The following SLCO3A1 variants were observed in gnomAD, a reference collection of about 807,000 sequenced individuals.
The protein encoded by SLCO3A1 is PGE1 transporter.
SLCO3A1 carries 27 observed loss-of-function variants against 63.1 expected under a neutral mutation model. That is an observed-to-expected ratio of 0.43 (90% CI 0.32 to 0.59). The LOEUF (loss-of-function observed/expected upper bound fraction) is 0.59. Among genes scored for constraint, SLCO3A1 ranks in the 20% least tolerant of loss-of-function variants. The pLI is 0.09. For synonymous variants in SLCO3A1, 473 were observed against 409.9 expected, an observed-to-expected ratio of 1.15 and a Z score of -1.86; for missense variants, 773 against 945.8, an observed-to-expected ratio of 0.82 and a Z score of 2.40.
intron 2 of SLCO3A1, among the ~76,000 whole-genome samples, chr15:91,970,648 C>G (rs1900825267): frequency 6.6e-6 from 1 of 152,174 alleles, no homozygotes. Flanking sequence ...ACCCATTTCT[C>G]CCATTACTCC....
chr15:92,108,199 C>A (rs2151549531), intron 4 of SLCO3A1, among the ~76,000 whole-genome samples: 1 of 152,338 alleles, frequency 6.6e-6, no homozygotes, highest in East Asian at 1.9e-4. Flanking sequence ...TCTTACCATG[C>A]AGGAAGCAGA....
chr15:92,079,020 G>A (rs992287690), intron 2 of SLCO3A1, among the ~76,000 whole-genome samples: 1 of 152,208 alleles, frequency 6.6e-6, no homozygotes, highest in Non-Finnish European at 1.5e-5. Flanking sequence ...TTATTTCCAA[G>A]CCTGCCCTTT....
intron 1 of SLCO3A1, among the ~76,000 whole-genome samples, chr15:91,915,404 C>T (rs186491617): frequency 6.6e-6 from 1 of 152,252 alleles, no homozygotes; most frequent in Admixed American, 6.5e-5. Context: ...ACCTGATGGC[C>T]TCTGGGGAAA....
chr15:92,073,787 T>C (rs570292645), intron 2 of SLCO3A1, among the ~76,000 whole-genome samples: 7 of 152,350 alleles, frequency 4.6e-5, no homozygotes, highest in Admixed American at 2.6e-4. Flanking sequence ...CCCCAGCCCA[T>C]TGTGACAAGC....
Position 92,128,353 on chromosome 15 carries a change from C to T in SLCO3A1, c.1376C>T (p.Thr459Ile). The part of the protein sequence containing the change: ...AGVTVPYGNS[T>I]APGSALDPYS... ...TCCGTGTTTCCTTTCTTTTCCAGCACAGCACCTGGCTCAGCCCTGGACCCC... is the reference window on the plus strand; with the variant it reads ...TCCGTGTTTCCTTTCTTTTCCAGCATAGCACCTGGCTCAGCCCTGGACCCC... The change falls in exon 7 of 10, where the codon ACA becomes ATA. Residue 459 changes from threonine (T) to isoleucine (I), a missense_variant and splice_region_variant. Physicochemically the swap from Thr to Ile is moderately conservative, Grantham distance 89 (BLOSUM62 -1). Coordinates refer to ENST00000318445, the MANE Select transcript of SLCO3A1 (RefSeq NM_013272.4). 6.2e-7 allele frequency: 1 copy of T among 1,613,672 alleles called. No individual in the cohort carries two copies. Among genetic ancestry groups the T allele is most frequent in the African/African-American group, 1.3e-5 (1 of 75,000 alleles).
chr15:92,127,144 C>A (rs2047934308), intron 6 of SLCO3A1, among the ~76,000 whole-genome samples: 1 of 152,216 alleles, frequency 6.6e-6, no homozygotes, highest in Non-Finnish European at 1.5e-5. Context: ...CCCCTCCTTC[C>A]CCTTTACACC....
rs150311746 is a variant in SLCO3A1 at position 91,961,183 on chromosome 15, C to T, written c.646+44725C>T. Among the ~76,000 whole-genome samples, 36 of 152,336 alleles carry T rather than the reference C, an allele frequency of 2.4e-4. No individual in the cohort carries two copies. In the East Asian group the frequency reaches 6.9e-3, roughly 29 times the overall value. On this transcript the variant is annotated intron_variant, in intron 2 of 9. Transcript: ENST00000318445. ...TTCTAGTCAATTTATCTCCTAATTG[C>T]ATTATCTATTATCCCAGTAGAATTA...
At position 92,165,597 on chromosome 15, in the gene SLCO3A1, G is replaced by GAAGA; in HGVS notation, c.*2463_*2466dup. The GAAGA allele has an allele frequency of 6.1e-6, 6 of 985,168 alleles. No homozygotes were observed. The highest frequency in any genetic ancestry group is 7.2e-6 in the Non-Finnish European group (6 of 829,734). The allele number at this position is 985,168 out of a possible 1,614,324, so 61.0% of individuals were successfully genotyped here. On this transcript the variant is annotated 3_prime_UTR_variant, in exon 10 of 10. Coordinates refer to ENST00000318445, the MANE Select transcript of SLCO3A1 (RefSeq NM_013272.4). ...TGTGAAAAAGATGTTAGAATAACAG[G>GAAGA]AAGACAACTCCAGGGCTGAGTTTTA...
intron 3 of SLCO3A1, among the ~76,000 whole-genome samples, chr15:92,103,983 A>T (rs909859427): frequency 6.6e-6 from 1 of 152,336 alleles, no homozygotes; most frequent in East Asian, 1.9e-4. Context: ...AGTGCTGCCA[A>T]GCCAGTTTTA....
intron 2 of SLCO3A1, among the ~76,000 whole-genome samples, chr15:92,088,826 T>G (rs553187870): frequency 8.5e-5 from 13 of 152,248 alleles, no homozygotes; most frequent in African/African-American, 3.1e-4. Flanking sequence ...GTGATAAGAT[T>G]GTGCCTATGG....
intron 2 of SLCO3A1, among the ~76,000 whole-genome samples, chr15:92,086,027 C>T (rs531334164): frequency 1.3e-5 from 2 of 152,246 alleles, no homozygotes; most frequent in South Asian, 4.1e-4. Flanking sequence ...TTCTGTTCTA[C>T]CATGGTTGGG....
At chr15:92,135,112 G>T (rs138423410) in intron 7 of SLCO3A1, among the ~76,000 whole-genome samples, 2 of 152,210 alleles carry the variant, frequency 1.3e-5, no homozygotes, top group South Asian at 2.1e-4. Context: ...ACAGGCTGAG[G>T]TGTGACAATT....
intron 2 of SLCO3A1, among the ~76,000 whole-genome samples, chr15:91,953,271 C>A (rs1218882773): frequency 1.3e-5 from 2 of 152,224 alleles, no homozygotes; most frequent in African/African-American, 2.4e-5. Flanking sequence ...ACTGAATAGA[C>A]ACTTGTGTTC....
chr15:92,157,718 G>T (rs977380521), intron 9 of SLCO3A1, among the ~76,000 whole-genome samples: 1 of 152,070 alleles, frequency 6.6e-6, no homozygotes, highest in East Asian at 1.9e-4. Flanking sequence ...AACTTAGGAC[G>T]GATTTTCATT....
chr15:91,977,057 G>A (rs1901143498), intron 2 of SLCO3A1, among the ~76,000 whole-genome samples: 1 of 152,128 alleles, frequency 6.6e-6, no homozygotes, highest in Admixed American at 6.5e-5. Flanking sequence ...ACAGTGTTCT[G>A]GAACTAGATA....
At chr15:92,135,517 C>T (rs1159486296) in intron 7 of SLCO3A1, among the ~76,000 whole-genome samples, 2 of 152,200 alleles carry the variant, frequency 1.3e-5, no homozygotes, top group African/African-American at 4.8e-5. Flanking sequence ...CTTGATCTTG[C>T]AGGTTGCCAT....
chr15:91,946,166 G>T (rs1389873003), intron 2 of SLCO3A1, among the ~76,000 whole-genome samples: 1 of 152,212 alleles, frequency 6.6e-6, no homozygotes, highest in Non-Finnish European at 1.5e-5. Flanking sequence ...GCTGAGAGCA[G>T]GCCTCTTGTA....
At chr15:92,025,373 G>A (rs1300744507) in intron 2 of SLCO3A1, among the ~76,000 whole-genome samples, 3 of 152,130 alleles carry the variant, frequency 2.0e-5, no homozygotes, top group African/African-American at 7.2e-5. Flanking sequence ...TAGGGTTCTT[G>A]AGAGAAATGT....
rs191046776 is a variant in SLCO3A1, at chr15:91,859,239, C to T, written c.180+5151C>T. Among the ~76,000 whole-genome samples the T allele has an allele frequency of 5.9e-5, 9 of 152,246 alleles. No homozygotes were observed. The highest frequency in any genetic ancestry group is 9.6e-5 in the African/African-American group (4 of 41,542). On this transcript the variant is annotated intron_variant, in intron 1 of 9. Coordinates refer to ENST00000318445, the MANE Select transcript of SLCO3A1 (RefSeq NM_013272.4). The surrounding 1 kb of genome is among the most constrained non-coding windows in gnomAD (Gnocchi z 5.1). ...AACCGTTCTCCCCTGAAGAAAATCT[C>T]GGTATTTTCTTGCCTCTCGGAAATG...
Sources: gnomAD v4.1 joint callset for allele counts (sites outside exome capture counted in the v4.1 genomes callset) on GRCh38, gnomAD v4.1.1 for gene constraint, Gnocchi (gnomAD v3.1) non-coding constraint, MANE v1.5 for transcripts, NCBI Gene and HGNC (gene_info 2026-07-23, HGNC 2026-07-21) for gene names.